The following ADCY9 variants were observed in gnomAD, a reference collection of about 807,000 sequenced individuals.
ADCY9 encodes the protein adenylate cyclase type 9.
Under a neutral mutation model 101.5 loss-of-function variants are expected in ADCY9, and 50 were observed. The ratio of observed to expected loss-of-function variants is 0.49; its 90% CI spans 0.39 to 0.62. ADCY9 has a LOEUF of 0.62. Among genes scored for constraint, ADCY9 ranks in the 20% least tolerant of loss-of-function variants. ADCY9 has a pLI of 0.00. For missense variants in ADCY9, 1,662 were observed against 1,800.4 expected (o/e 0.92, Z 1.39); for synonymous variants, 905 against 769.3 (o/e 1.18, Z -2.92).
chr16:4,097,358 A>G lies in ADCY9; in HGVS notation c.1693+16392T>C, dbSNP rs1425202988. On this transcript the variant is annotated intron_variant, in intron 2 of 10. Coordinates refer to ENST00000294016, the MANE Select transcript of ADCY9 (RefSeq NM_001116.4). ...AATGAACCACTCAGTCATTCCAGCA[A>G]AGCGGTTACTGCCTTTCCTCTACCT... 2.0e-5 allele frequency among the ~76,000 whole-genome samples: 3 copies of G among 149,890 alleles called. No homozygotes were observed. In the East Asian group the frequency reaches 5.9e-4, roughly 30 times the overall value.
chr16:4,088,517 T>C (rs760278772), intron 2 of ADCY9, among the ~76,000 whole-genome samples: 22 of 152,002 alleles, frequency 1.4e-4, no homozygotes, highest in Admixed American at 6.6e-5. Context: ...CTTGAACTCC[T>C]GAGCTCAAGC....
At chr16:4,014,091 G>A (rs749781247) in intron 2 of ADCY9, among the ~76,000 whole-genome samples, 2 of 152,132 alleles carry the variant, frequency 1.3e-5, no homozygotes, top group Non-Finnish European at 2.9e-5. Context: ...GGCCGAGACG[G>A]GAGCATCAGT....
chr16:4,114,686 A>G lies in ADCY9; in HGVS notation c.757T>C (p.Ser253Pro). 6.2e-7 allele frequency: 1 copy of G among 1,613,198 alleles called. No homozygotes were observed. The highest frequency in any genetic ancestry group is 8.5e-7 in the Non-Finnish European group (1 of 1,180,046). ...YLSLCLGVAY[S>P]VLFETFGYHF... is the part of the protein sequence containing the mutation. ...TAGCCAAAGGTCTCGAAAAGGACAG[A>G]GTAGGCCACCCCCAGACACAAACTC... The change falls in exon 2 of 11, where the codon TCT (serine) becomes CCT (proline). Residue 253 changes from serine to proline, a missense_variant. Around this residue, in one of 5 missense-constraint regions of ADCY9, gnomAD observed 422 missense variants for 392.0 expected, o/e 1.08. Coordinates refer to ENST00000294016, the MANE Select transcript of ADCY9 (RefSeq NM_001116.4). The surrounding 1 kb of genome is among the most constrained non-coding windows in gnomAD (Gnocchi z 4.3).
intron 2 of ADCY9, among the ~76,000 whole-genome samples, chr16:4,112,444 G>C (rs1279393878): frequency 6.6e-6 from 1 of 152,054 alleles, no homozygotes; most frequent in Non-Finnish European, 1.5e-5. Flanking sequence ...AAAGATACAG[G>C]AGCTCAGATC....
At chr16:3,997,010 G>A (rs1038715566) in intron 3 of ADCY9, among the ~76,000 whole-genome samples, 32 of 151,982 alleles carry the variant, frequency 2.1e-4, no homozygotes, top group African/African-American at 6.5e-4. Context: ...GATTACAGGC[G>A]CCCACCACCA....
At chr16:3,969,061 T>A (rs1409980272) in intron 10 of ADCY9, among the ~76,000 whole-genome samples, 1 of 152,040 alleles carries the variant, frequency 6.6e-6, no homozygotes, top group African/African-American at 2.4e-5. Flanking sequence ...CGTGACCTCG[T>A]GATCCACCCG....
At chr16:4,016,243 A>C (rs2056437900) in intron 2 of ADCY9, among the ~76,000 whole-genome samples, 1 of 152,252 alleles carries the variant, frequency 6.6e-6, no homozygotes, top group South Asian at 2.1e-4. Flanking sequence ...TGCAGACAAC[A>C]AAATGGAAAT....
chr16:3,955,582 T>G (rs1041849054), intron 5 of ADCY9, among the ~76,000 whole-genome samples: 1 of 152,154 alleles, frequency 6.6e-6, no homozygotes, highest in African/African-American at 2.4e-5. Context: ...CTTGCTCTGT[T>G]GCCCAGGCTG....
intron 2 of ADCY9, among the ~76,000 whole-genome samples, chr16:4,086,991 G>C (rs1411250030): frequency 6.6e-6 from 1 of 150,510 alleles, no homozygotes; most frequent in African/African-American, 2.5e-5. Flanking sequence ...CCCTAATCAA[G>C]GTGCTGCTCC....
intron 2 of ADCY9, among the ~76,000 whole-genome samples, chr16:4,074,716 CAAA>C (rs55742993): frequency 1.0e-5 from 1 of 100,396 alleles, no homozygotes; most frequent in Non-Finnish European, 2.0e-5. Flanking sequence ...TACCCAGTGG[CAAA>C]AAAAAAAAAA....
intron 3 of ADCY9, among the ~76,000 whole-genome samples, chr16:4,006,018 T>A (rs1190158704): frequency 2.0e-5 from 3 of 152,072 alleles, no homozygotes. Context: ...TTTGCAGGCA[T>A]CCAGGGAATC....
chr16:3,976,055 G>A (rs1294385662), intron 9 of ADCY9, among the ~76,000 whole-genome samples: 1 of 151,894 alleles, frequency 6.6e-6, no homozygotes. Context: ...GCAGTGGCGC[G>A]ATCTCGGTTC....
intron 2 of ADCY9, among the ~76,000 whole-genome samples, chr16:4,075,829 T>C (rs1012651252): frequency 7.7e-6 from 1 of 130,704 alleles, no homozygotes; most frequent in Non-Finnish European, 1.7e-5. Flanking sequence ...GGGTCCAACC[T>C]GCACAGATAC....
intron 2 of ADCY9, among the ~76,000 whole-genome samples, chr16:4,034,513 G>A (rs1477740017): frequency 6.6e-6 from 1 of 152,132 alleles, no homozygotes; most frequent in African/African-American, 2.4e-5. Context: ...AGGTTCAAGA[G>A]TTTCTCCTGC....
intron 3 of ADCY9, among the ~76,000 whole-genome samples, chr16:3,997,308 A>G (rs1234076663): frequency 2.0e-5 from 3 of 152,240 alleles, no homozygotes; most frequent in Non-Finnish European, 2.9e-5. Flanking sequence ...GGGCACACTG[A>G]GGACAGGGGG....
At position 4,113,759 on chromosome 16, in the gene ADCY9, G is replaced by A; in HGVS notation, c.1684C>T (p.Gln562Ter). The A allele has an allele frequency of 6.2e-7, 1 of 1,612,360 alleles. No homozygotes were observed. Among genetic ancestry groups the A allele is most frequent in the Middle Eastern group, 1.7e-4 (1 of 5,982 alleles). The change falls in exon 2 of 11, where the codon CAG becomes TAG. Residue 562 changes from glutamine to a stop codon, truncating the protein, a stop_gained. Transcript: ENST00000294016. LOFTEE classifies it high-confidence loss of function. ...ERLGQSVVAD[Q>*]LKGLKTYLIS... ...AAAGCAGTGCACATACCTTTCAACTGGTCAGCAACCACGCTCTGGCCCAGC... is the reference window on the plus strand; with the variant it reads ...AAAGCAGTGCACATACCTTTCAACTAGTCAGCAACCACGCTCTGGCCCAGC...
rs150853058 is a variant in ADCY9, at chr16:4,052,562, G to A, written c.1694-45004C>T. On this transcript the variant is annotated intron_variant, in intron 2 of 10. Transcript: ENST00000294016. ...CTTTATACTGTTTGGGAGCATCTCT[G>A]TAAATTTAAACTTACTTCAAAATTA... Among the ~76,000 whole-genome samples the A allele has an allele frequency of 6.6e-5, 10 of 152,284 alleles. No homozygotes were observed. The East Asian group carries it at 1.7e-3, about 26-fold the overall frequency.
intron 2 of ADCY9, among the ~76,000 whole-genome samples, chr16:4,038,660 A>G (rs946449945): frequency 3.3e-5 from 5 of 152,034 alleles, no homozygotes; most frequent in Non-Finnish European, 7.4e-5. Context: ...AGAAAAGAGG[A>G]ACAGAGTAGT....
chr16:4,057,048 C>CA (rs200506569), intron 2 of ADCY9, among the ~76,000 whole-genome samples: 28 of 126,422 alleles, frequency 2.2e-4, no homozygotes, highest in East Asian at 6.2e-4. Context: ...GCCCCCCCCC[C>CA]CCCCGCCAAT....
Sources: allele counts gnomAD v4.1 joint callset (sites outside exome capture counted in the v4.1 genomes callset), GRCh38; gene constraint gnomAD v4.1.1; regional missense constraint gnomAD v4.1.1; non-coding constraint Gnocchi (gnomAD v3.1); transcripts MANE v1.5; gene names NCBI Gene and HGNC (gene_info 2026-07-23, HGNC 2026-07-21).